Variants in SYN2 observed in about 807,000 individuals in gnomAD.
The protein encoded by SYN2 is synapsin-2.
Under a neutral mutation model 50.9 loss-of-function variants are expected in SYN2, and 19 were observed. That is an observed-to-expected ratio of 0.37 (90% CI 0.26 to 0.55). The LOEUF is 0.55. SYN2 is among the 20% of genes least tolerant of loss of function. SYN2 has a pLI of 0.81. For missense variants in SYN2, 587 were observed against 576.4 expected (o/e 1.02, Z -0.19); for synonymous variants, 255 against 224.9 (o/e 1.13, Z -1.20).
intron 1 of SYN2, among the ~76,000 whole-genome samples, chr3:12,009,962 G>C (rs937694316): frequency 1.3e-5 from 2 of 152,178 alleles, no homozygotes; most frequent in Non-Finnish European, 2.9e-5. Flanking sequence ...GGTTGTTGCG[G>C]TGTGTGCCTG....
At chr3:12,101,997 A>G (rs1292207828) in intron 1 of SYN2, among the ~76,000 whole-genome samples, 1 of 152,198 alleles carries the variant, frequency 6.6e-6, no homozygotes, top group Non-Finnish European at 1.5e-5. Flanking sequence ...GAGTTATCGA[A>G]TGATGCAAGT....
intron 1 of SYN2, among the ~76,000 whole-genome samples, chr3:12,121,252 AT>A (rs886891646): frequency 3.9e-5 from 6 of 152,072 alleles, no homozygotes; most frequent in Admixed American, 6.5e-5. Flanking sequence ...TACACATTAT[AT>A]TTTATCTGTT....
intron 1 of SYN2, among the ~76,000 whole-genome samples, chr3:12,007,868 T>C (rs1693830523): frequency 6.6e-6 from 1 of 152,150 alleles, no homozygotes; most frequent in Admixed American, 6.5e-5. Flanking sequence ...GAAGATGTTT[T>C]TCTTTTGCTG....
chr3:12,187,048 A>G (rs1175579153), intron 11 of SYN2, among the ~76,000 whole-genome samples: 1 of 152,116 alleles, frequency 6.6e-6, no homozygotes, highest in Non-Finnish European at 1.5e-5. Flanking sequence ...ACACCTCTAG[A>G]GAGGAGGGGA....
At chr3:12,132,158 C>T (rs11914767) in intron 1 of SYN2, among the ~76,000 whole-genome samples, 12,130 of 151,802 alleles carry the variant, frequency 0.08, 839 homozygotes, top group East Asian at 0.19. Context: ...AGGCACATGC[C>T]ATAGCACTCA....
intron 5 of SYN2, chr3:12,154,570 G>T: frequency 9.1e-7 from 1 of 1,103,292 alleles, no homozygotes; most frequent in Non-Finnish European, 1.3e-6. Context: ...GGCAGTGGTG[G>T]CATGGGGCTC....
intron 1 of SYN2, among the ~76,000 whole-genome samples, chr3:12,085,258 A>G (rs1287540618): frequency 2.6e-5 from 4 of 152,206 alleles, no homozygotes; most frequent in East Asian, 1.9e-4. Context: ...CTTTAATTCA[A>G]AAACTGTAAA....
intron 11 of SYN2, among the ~76,000 whole-genome samples, chr3:12,186,994 G>A (rs536592533): frequency 2.7e-4 from 41 of 152,320 alleles, no homozygotes; most frequent in Middle Eastern, 3.4e-3. Flanking sequence ...TGTGGAACTT[G>A]AGACTTCCCA....
intron 7 of SYN2, 35 bp downstream of exon 7, chr3:12,162,189 AT>A: frequency 6.2e-7 from 1 of 1,606,010 alleles, no homozygotes; most frequent in Non-Finnish European, 8.5e-7. Flanking sequence ...CTCCTCAGTG[AT>A]GATGGAAAAG....
At chr3:12,120,817 A>G (rs541807541) in intron 1 of SYN2, among the ~76,000 whole-genome samples, 72 of 151,922 alleles carry the variant, frequency 4.7e-4, no homozygotes, top group Middle Eastern at 3.4e-3. Flanking sequence ...TGTGTCCTAT[A>G]TTTTCTCCCA....
chr3:12,185,628 A>C, intron 11 of SYN2: 1 of 985,852 alleles, frequency 1.0e-6, no homozygotes, highest in Non-Finnish European at 1.2e-6. Context: ...TACTGATCCA[A>C]CTGGGAGAAC....
chr3:12,050,504 C>T (rs933678023), intron 1 of SYN2, among the ~76,000 whole-genome samples: 4 of 151,624 alleles, frequency 2.6e-5, no homozygotes, highest in Non-Finnish European at 4.4e-5. Flanking sequence ...TGCCACCATG[C>T]CCAGCTAATT....
At chr3:12,189,699 A>C (rs1698410706) in intron 12 of SYN2, among the ~76,000 whole-genome samples, 1 of 152,296 alleles carries the variant, frequency 6.6e-6, no homozygotes, top group South Asian at 2.1e-4. Flanking sequence ...GCTACTTGGG[A>C]GGCTGAGGCA....
At chr3:12,113,530 C>T (rs1047891349) in intron 1 of SYN2, among the ~76,000 whole-genome samples, 3 of 152,130 alleles carry the variant, frequency 2.0e-5, no homozygotes, top group African/African-American at 7.2e-5. Flanking sequence ...AGTGCATTCA[C>T]AGTGTTGTAC....
intron 4 of SYN2, among the ~76,000 whole-genome samples, 188 bp from the exon 5 acceptor site, chr3:12,151,048 CT>C (rs1485838018): frequency 6.6e-6 from 1 of 152,244 alleles, no homozygotes; most frequent in African/African-American, 2.4e-5. Context: ...AGCTCACTCT[CT>C]TTCCCTTCCC....
chr3:12,020,431 G>A (rs914420185), intron 1 of SYN2, among the ~76,000 whole-genome samples: 1 of 151,478 alleles, frequency 6.6e-6, no homozygotes, highest in Non-Finnish European at 1.5e-5. Flanking sequence ...GGAGTAGAAG[G>A]GCAGTGGGTT....
intron 1 of SYN2, among the ~76,000 whole-genome samples, chr3:12,028,073 G>C (rs1432169798): frequency 1.8e-5 from 2 of 110,878 alleles, no homozygotes; most frequent in Non-Finnish European, 3.3e-5. Flanking sequence ...CCCTTCCTGT[G>C]TCCATGTGAT....
intron 1 of SYN2, among the ~76,000 whole-genome samples, chr3:12,095,327 A>G (rs200769951): frequency 3.4e-5 from 5 of 147,736 alleles, no homozygotes; most frequent in South Asian, 2.2e-4. Context: ...GGTGGATCAC[A>G]AGGTCAGGAG....
At chr3:12,080,029 G>C (rs1422147992) in intron 1 of SYN2, among the ~76,000 whole-genome samples, 1 of 152,034 alleles carries the variant, frequency 6.6e-6, no homozygotes, top group Admixed American at 6.5e-5. Context: ...GTTCAGTCTT[G>C]GGATGGTGTA....
Sources: allele counts gnomAD v4.1 joint callset (sites outside exome capture counted in the v4.1 genomes callset), GRCh38; gene constraint gnomAD v4.1.1; transcripts MANE v1.5; gene names NCBI Gene and HGNC (gene_info 2026-07-23, HGNC 2026-07-21).